Variants in ARHGAP18 observed in about 807,000 individuals in gnomAD.
ARHGAP18 encodes rho GTPase-activating protein 18.
In ARHGAP18, 67 loss-of-function variants were observed where a neutral mutation model predicts 86.2. That is an observed-to-expected ratio of 0.78 (90% CI 0.64 to 0.95). The LOEUF is 0.95. Among genes scored for constraint, ARHGAP18 ranks in the 40% least tolerant of loss-of-function variants. The pLI is 0.00. For missense variants in ARHGAP18, 691 were observed against 780.4 expected (o/e 0.89, Z 1.37); for synonymous variants, 283 against 280.4 (o/e 1.01, Z -0.09).
chr6:129,636,057 C>T (rs1362023911), intron 3 of ARHGAP18, among the ~76,000 whole-genome samples: 1 of 152,182 alleles, frequency 6.6e-6, no homozygotes, highest in Non-Finnish European at 1.5e-5. Context: ...TCTTAACTCC[C>T]TTAGTGAGGG....
chr6:129,668,697 G>A (rs1263699501), intron 1 of ARHGAP18, among the ~76,000 whole-genome samples: 1 of 152,062 alleles, frequency 6.6e-6, no homozygotes, highest in East Asian at 1.9e-4. Context: ...GTCCCCTTCT[G>A]TCTGACACCC....
At chr6:129,676,077 G>A (rs749673390) in intron 1 of ARHGAP18, among the ~76,000 whole-genome samples, 6 of 152,208 alleles carry the variant, frequency 3.9e-5, no homozygotes, top group Non-Finnish European at 8.8e-5. Flanking sequence ...TCAAGTGTCA[G>A]ACTCTGATTC....
intron 12 of ARHGAP18, among the ~76,000 whole-genome samples, chr6:129,589,015 G>C (rs1788458413): frequency 6.6e-6 from 1 of 152,172 alleles, no homozygotes; most frequent in African/African-American, 2.4e-5. Context: ...TGTAGAGCAG[G>C]GGAGCCCTGG....
rs184816359 is a variant in ARHGAP18, at chr6:129,698,981, C to T, written c.113+11043G>A. Among the ~76,000 whole-genome samples, 809 of 152,116 alleles carry T rather than the reference C, an allele frequency of 5.3e-3. 8 individuals carry two copies. The highest frequency in any genetic ancestry group is 7.3e-3 in the Non-Finnish European group (493 of 67,978). The stretch of plus-strand genomic sequence containing the variant: ...GTGCTGGGATTACAGGCATGAGCCA[C>T]ACGCCCGGCCTAAGGCCTGGCTAAT... On this transcript the variant is annotated intron_variant, in intron 1 of 14. Transcript: ENST00000368149.
intron 1 of ARHGAP18, among the ~76,000 whole-genome samples, chr6:129,695,220 T>C (rs559202475): frequency 6.6e-6 from 1 of 152,316 alleles, no homozygotes; most frequent in African/African-American, 2.4e-5. Flanking sequence ...ATTCAAAATA[T>C]TCACCAGGAT....
rs12197456 is a variant in ARHGAP18 at position 129,584,104 on chromosome 6, A to G, written c.1722T>C (p.Val574=). ...KQDKSTNDAD[V]PQGVIRVQAP... is the part of the protein sequence containing the mutation. ...CTTGCACTCGAATCACTCCCTGAGG[A>G]ACGTCAGCCTGCAAAGCAATAATGA... is the stretch of plus-strand genomic sequence containing the variant. Residue 574 remains valine, a synonymous_variant, in exon 13 of 15, where the codon GTT becomes GTC. Transcript: ENST00000368149. 0.06 allele frequency: 96,726 copies of G among 1,613,446 alleles called. 3,219 individuals are homozygous for G. Among genetic ancestry groups the G allele is most frequent in the Non-Finnish European group, 0.066 (77,709 of 1,179,628 alleles).
chr6:129,677,741 G>A (rs182731695), intron 1 of ARHGAP18, among the ~76,000 whole-genome samples: 6 of 152,226 alleles, frequency 3.9e-5, no homozygotes, highest in African/African-American at 1.4e-4. Flanking sequence ...TGAAAAGCTG[G>A]TTGGCTCTTT....
intron 12 of ARHGAP18, among the ~76,000 whole-genome samples, chr6:129,591,956 C>A (rs1215290152): frequency 6.6e-6 from 1 of 152,208 alleles, no homozygotes; most frequent in African/African-American, 2.4e-5. Context: ...CTATCTTGAA[C>A]TATGTGCTAA....
chr6:129,666,946 G>C (rs1194465119), intron 1 of ARHGAP18, among the ~76,000 whole-genome samples: 1 of 152,040 alleles, frequency 6.6e-6, no homozygotes, highest in Non-Finnish European at 1.5e-5. Flanking sequence ...ATGAAGCATA[G>C]ATTTTTTATA....
chr6:129,679,316 TATTC>T (rs1473285619), intron 1 of ARHGAP18, among the ~76,000 whole-genome samples: 1 of 152,234 alleles, frequency 6.6e-6, no homozygotes, highest in African/African-American at 2.4e-5. Flanking sequence ...CTGTAGTTAT[TATTC>T]ATTATTTATC....
Position 129,577,007 on chromosome 6 carries a change from C to T in ARHGAP18, c.*1506G>A, listed in dbSNP as rs1199472308. On this transcript the variant is annotated 3_prime_UTR_variant, in exon 15 of 15. Transcript: ENST00000368149. The stretch of plus-strand genomic sequence containing the variant: ...AGAAAATAGAGGTGACTTTTAATAA[C>T]AAAAAAGTCCATTTCTCAATATTAA... 1 of 149,334 alleles carries T rather than the reference C, an allele frequency of 6.7e-6. No individual in the cohort carries two copies. The allele number at this position is 149,334 out of a possible 1,614,324, so 9.3% of individuals were successfully genotyped here.
intron 2 of ARHGAP18, among the ~76,000 whole-genome samples, chr6:129,640,898 T>C (rs1230252338): frequency 6.6e-6 from 1 of 152,174 alleles, no homozygotes; most frequent in Non-Finnish European, 1.5e-5. Context: ...ATGAAAAACT[T>C]AGCAACTGCT....
chr6:129,597,721 A>T (rs9372940), intron 12 of ARHGAP18, among the ~76,000 whole-genome samples: 2 of 151,712 alleles, frequency 1.3e-5, no homozygotes, highest in African/African-American at 4.8e-5. Flanking sequence ...TGAATTTCAC[A>T]TAAGGAAAGA....
At position 129,577,249 on chromosome 6, in the gene ARHGAP18, C is replaced by T. The variant is rs551412735; in HGVS notation, c.*1264G>A. The T allele has an allele frequency of 3.9e-5, 6 of 152,222 alleles. No homozygotes were observed. Among genetic ancestry groups the T allele is most frequent in the African/African-American group, 1.4e-4 (6 of 41,548 alleles). The allele number at this position is 152,222 out of a possible 1,614,324, so 9.4% of individuals were successfully genotyped here. On this transcript the variant is annotated 3_prime_UTR_variant, in exon 15 of 15. Transcript: ENST00000368149. ...GACTGTTCTCATTAACAGCATTCCC[C>T]CCCTTCATTAGAGACATCAAGAGCT...
chr6:129,624,754 G>T (rs955085962), intron 5 of ARHGAP18, among the ~76,000 whole-genome samples: 1 of 151,166 alleles, frequency 6.6e-6, no homozygotes, highest in East Asian at 1.9e-4. Flanking sequence ...AGACAAGCCT[G>T]GCCAAGATGG....
chr6:129,618,601 C>T, intron 6 of ARHGAP18, 86 bp downstream of exon 6: 11 of 1,297,534 alleles, frequency 8.5e-6, no homozygotes, highest in South Asian at 1.6e-5. Context: ...AGGTGTTTTC[C>T]CTGTCTCCCA....
chr6:129,596,830 C>T (rs573450102), intron 12 of ARHGAP18: 3 of 152,284 alleles, frequency 2.0e-5, no homozygotes, highest in South Asian at 4.1e-4. Flanking sequence ...AGGAACGGCT[C>T]CTACTCAAAT....
intron 9 of ARHGAP18, 148 bp downstream of exon 9, chr6:129,607,745 T>C: frequency 5.6e-6 from 4 of 709,940 alleles, no homozygotes; most frequent in Non-Finnish European, 8.4e-6. Flanking sequence ...AAACAATGCA[T>C]GGCAGCTGAG....
chr6:129,707,943 G>A (rs1332942493), intron 1 of ARHGAP18, among the ~76,000 whole-genome samples: 6 of 151,996 alleles, frequency 3.9e-5, no homozygotes, highest in Non-Finnish European at 8.8e-5. Context: ...CAAAGCCAAA[G>A]CCAAAGTCCA....
Sources: allele counts gnomAD v4.1 joint callset (sites outside exome capture counted in the v4.1 genomes callset), GRCh38; gene constraint gnomAD v4.1.1; transcripts MANE v1.5; gene names NCBI Gene and HGNC (gene_info 2026-07-23, HGNC 2026-07-21).